The following ST6GALNAC4 variants were observed in gnomAD, a reference collection of about 807,000 sequenced individuals.
ST6GALNAC4 encodes the protein alpha-N-acetyl-neuraminyl-2,3-beta-galactosyl-1,3-N-acetyl-galactosaminide alpha-2,6-sialyltransferase.
ST6GALNAC4 carries 24 observed loss-of-function variants against 30.4 expected under a neutral mutation model. The observed-to-expected ratio is 0.79, with a 90% CI of 0.57 to 1.11. The LOEUF is 1.11. ST6GALNAC4 is among the 50% of genes most tolerant of loss of function. ST6GALNAC4 has a pLI of 0.00. For missense variants in ST6GALNAC4, 365 were observed against 430.1 expected (o/e 0.85, Z 1.34); for synonymous variants, 156 against 179.7 (o/e 0.87, Z 1.05).
intron 3 of ST6GALNAC4, among the ~76,000 whole-genome samples, 166 bp downstream of exon 3, chr9:127,914,490 C>CA (rs60857050): frequency 0.23 from 11,322 of 50,008 alleles, 3,990 homozygotes; most frequent in South Asian, 0.49. Flanking sequence ...GACTCCGTCT[C>CA]AAAAAAAAAA....
chr9:127,913,206 C>T (rs1273708641), intron 3 of ST6GALNAC4, among the ~76,000 whole-genome samples: 1 of 152,242 alleles, frequency 6.6e-6, no homozygotes, highest in Middle Eastern at 3.2e-3. Context: ...TGAATCCTGG[C>T]TCTGCCCTCT....
At chr9:127,913,750 G>A (rs1030781096) in intron 3 of ST6GALNAC4, among the ~76,000 whole-genome samples, 1 of 152,180 alleles carries the variant, frequency 6.6e-6, no homozygotes, top group South Asian at 2.1e-4. Flanking sequence ...CCAATATGGT[G>A]AAACCCCATC....
chr9:127,916,370 C>T (rs1397471122), intron 2 of ST6GALNAC4, 38 bp downstream of exon 2: 1 of 1,614,088 alleles, frequency 6.2e-7, no homozygotes, highest in South Asian at 1.1e-5. Flanking sequence ...CAGTCGGGGC[C>T]TCTGCGTTCC....
chr9:127,913,175 G>GCTCA (rs1831118573), intron 3 of ST6GALNAC4, among the ~76,000 whole-genome samples: 1 of 152,238 alleles, frequency 6.6e-6, no homozygotes, highest in Non-Finnish European at 1.5e-5. Context: ...GGACAGCTGT[G>GCTCA]GGACTCCCTG....
Position 127,914,664 on chromosome 9 carries a change from C to G in ST6GALNAC4, c.190G>C (p.Asp64His), listed in dbSNP as rs756165369. 1.9e-6 allele frequency: 3 copies of G among 1,609,592 alleles called. No individual in the cohort carries two copies. In the African/African-American group the frequency reaches 4.0e-5, roughly 22 times the overall value. ...LHFSGYSSVP[D>H]GKPLVREPCR... ...TTGCCTGGCCCACTCACCTTCCCAT[C>G]TGGCACACTGCTATATCCACTGAAG... Residue 64 changes from aspartate (D) to histidine (H), a missense_variant, in exon 3 of 6, where the codon GAT becomes CAT. By Grantham distance (81) the Asp-to-His change is moderately conservative. Coordinates refer to ENST00000335791, the MANE Select transcript of ST6GALNAC4 (RefSeq NM_175039.4).
Position 127,908,222 on chromosome 9 carries a change from T to C in ST6GALNAC4, c.*170A>G. On this transcript the variant is annotated 3_prime_UTR_variant, in exon 6 of 6. Transcript: ENST00000335791. ...CCACTCCCCTTCAAGTCATGAGGCC[T>C]GAGATGGCTCCAAGTGTCGCCAGAA... 1 of 378,632 alleles carries C rather than the reference T, an allele frequency of 2.6e-6. No individual in the cohort carries two copies. The allele number at this position is 378,632 out of a possible 1,614,324, so 23.5% of individuals were successfully genotyped here. A position where few individuals can be genotyped will look rare whatever the true frequency, so the allele number is the denominator to read the frequency against.
intron 2 of ST6GALNAC4, chr9:127,916,046 C>T (rs1051794233): frequency 2.4e-5 from 9 of 374,854 alleles, no homozygotes; most frequent in Non-Finnish European, 4.4e-5. Flanking sequence ...CTCAGGCAGT[C>T]GAGATGAACT....
chr9:127,910,827 G>A (rs913010027), intron 4 of ST6GALNAC4, among the ~76,000 whole-genome samples: 28 of 152,190 alleles, frequency 1.8e-4, no homozygotes, highest in African/African-American at 6.8e-4. Context: ...GGGAAGGGAA[G>A]GAGAAAAATA....
chr9:127,914,773 C>T lies in ST6GALNAC4; in HGVS notation c.81G>A (p.Trp27Ter). ...TGGCCAGGCAGAGGGGCAGGCCGGCCCAGCAGCACAGGAGGATGTAGACGG... is the reference window on the plus strand; with the variant it reads ...TGGCCAGGCAGAGGGGCAGGCCGGCTCAGCAGCACAGGAGGATGTAGACGG... ...FSAVYILLCC[W>*]AGLPLCLATC... The change falls in exon 3 of 6, where the codon TGG becomes TGA. Residue 27 changes from tryptophan to a stop codon, truncating the protein, a stop_gained. Coordinates refer to ENST00000335791, the MANE Select transcript of ST6GALNAC4 (RefSeq NM_175039.4). LOFTEE classifies it high-confidence loss of function. 1.9e-6 allele frequency: 3 copies of T among 1,604,360 alleles called. No homozygotes were observed. The highest frequency in any genetic ancestry group is 2.3e-5 in the East Asian group (1 of 44,094).
chr9:127,910,703 C>T (rs1043054294), intron 4 of ST6GALNAC4, among the ~76,000 whole-genome samples: 14 of 152,212 alleles, frequency 9.2e-5, no homozygotes, highest in African/African-American at 3.4e-4. Flanking sequence ...CCCCTCTCAA[C>T]CTCTACAGAG....
At chr9:127,910,716 G>A (rs1426592877) in intron 4 of ST6GALNAC4, among the ~76,000 whole-genome samples, 3 of 152,116 alleles carry the variant, frequency 2.0e-5, no homozygotes, top group African/African-American at 7.2e-5. Flanking sequence ...CTACAGAGCG[G>A]GTATGAACTG....
chr9:127,911,918 C>T (rs569777483), intron 4 of ST6GALNAC4, among the ~76,000 whole-genome samples: 6 of 152,372 alleles, frequency 3.9e-5, no homozygotes, highest in East Asian at 1.9e-4. Flanking sequence ...CCACCGCACC[C>T]GGCCTCTAAC....
At chr9:127,908,713 C>A in intron 5 of ST6GALNAC4, 132 bp from the exon 6 acceptor site, 2 of 731,316 alleles carry the variant, frequency 2.7e-6, no homozygotes, top group Non-Finnish European at 4.0e-6. Flanking sequence ...CTGGGGAGGC[C>A]AAGACACATA....
chr9:127,914,769 C>A lies in ST6GALNAC4; in HGVS notation c.85G>T (p.Gly29Cys). 1.2e-6 allele frequency: 2 copies of A among 1,604,980 alleles called. No homozygotes were observed. Among genetic ancestry groups the A allele is most frequent in the Non-Finnish European group, 1.7e-6 (2 of 1,175,778 alleles). The part of the protein sequence containing the change: ...AVYILLCCWA[G>C]LPLCLATCLD... ...CAGGTGGCCAGGCAGAGGGGCAGGCCGGCCCAGCAGCACAGGAGGATGTAG... is the reference window on the plus strand; with the variant it reads ...CAGGTGGCCAGGCAGAGGGGCAGGCAGGCCCAGCAGCACAGGAGGATGTAG... Residue 29 changes from glycine (G) to cysteine (C), a missense_variant, in exon 3 of 6, where the codon GGC (glycine) becomes TGC (cysteine). Gly to Cys is a radical substitution (Grantham distance 159). Coordinates refer to ENST00000335791, the MANE Select transcript of ST6GALNAC4 (RefSeq NM_175039.4).
chr9:127,908,185 C>A lies in ST6GALNAC4; in HGVS notation c.*207G>T. 3.2e-5 allele frequency: 7 copies of A among 216,084 alleles called. No homozygotes were observed. Among genetic ancestry groups the A allele is most frequent in the Non-Finnish European group, 6.3e-5 (7 of 111,390 alleles). The allele number at this position is 216,084 out of a possible 1,614,324, so 13.4% of individuals were successfully genotyped here. ...ACTCAGGGAGTGGAGGGGGGAGACA[C>A]GGCTCCCCCCTCCACTCCCCTTCAA... On this transcript the variant is annotated 3_prime_UTR_variant, in exon 6 of 6. Coordinates refer to ENST00000335791, the MANE Select transcript of ST6GALNAC4 (RefSeq NM_175039.4).
At chr9:127,911,294 C>T (rs1445993125) in intron 4 of ST6GALNAC4, among the ~76,000 whole-genome samples, 2 of 152,056 alleles carry the variant, frequency 1.3e-5, no homozygotes, top group Non-Finnish European at 2.9e-5. Flanking sequence ...GAGGCACAGC[C>T]CAATTTTCTG....
At chr9:127,914,947 G>C (rs1216215931) in intron 2 of ST6GALNAC4, 106 bp from the exon 3 acceptor site, 3 of 1,062,254 alleles carry the variant, frequency 2.8e-6, no homozygotes, top group African/African-American at 1.7e-5. Flanking sequence ...CCTGGGTCTA[G>C]AGCAGCTCCT....
At position 127,912,395 on chromosome 9, in the gene ST6GALNAC4, C is replaced by A. The variant is rs745463847; in HGVS notation, c.484G>T (p.Gly162Cys). ...AGCAGCGTGCGGTAGGTGCGGCCGC[C>A]GAGCACCCGGTCCATGTGCCTGCCC... is the stretch of plus-strand genomic sequence containing the variant. ...GQGRHMDRVL[G>C]GRTYRTLLQL... Residue 162 changes from glycine (G) to cysteine (C), a missense_variant, in exon 4 of 6, where the codon GGC (glycine) becomes TGC (cysteine). Coordinates refer to ENST00000335791, the MANE Select transcript of ST6GALNAC4 (RefSeq NM_175039.4). The A allele has an allele frequency of 6.2e-7, 1 of 1,614,114 alleles. No individual in the cohort carries two copies. The highest frequency in any genetic ancestry group is 2.2e-5 in the East Asian group (1 of 44,892).
rs533478628 is a variant in ST6GALNAC4 at position 127,916,751 on chromosome 9, C to T, written c.-76+75G>A. 1.2e-5 allele frequency: 6 copies of T among 483,308 alleles called. No individual in the cohort carries two copies. The East Asian group carries it at 2.2e-4, about 18-fold the overall frequency. The allele number at this position is 483,308 out of a possible 1,614,324, so 29.9% of individuals were successfully genotyped here. A position where few individuals can be genotyped will look rare whatever the true frequency, so the allele number is the denominator to read the frequency against. ...GGAGGAAGAGGCAGCGAGGAGGCGC[C>T]CCCAGCTCAAGGTCACCCATCAGGT... On this transcript the variant is annotated intron_variant, in intron 1 of 5. Coordinates refer to ENST00000335791, the MANE Select transcript of ST6GALNAC4 (RefSeq NM_175039.4).
Sources: gnomAD v4.1 joint callset for allele counts (sites outside exome capture counted in the v4.1 genomes callset) on GRCh38, gnomAD v4.1.1 for gene constraint, MANE v1.5 for transcripts, NCBI Gene and HGNC (gene_info 2026-07-23, HGNC 2026-07-21) for gene names.